Variants in NRXN1 observed in about 807,000 individuals in gnomAD.
The protein encoded by NRXN1 is neurexin 1, also known as neurexin-1.
A neutral mutation model predicts 150.9 loss-of-function variants in NRXN1; 39 were observed. The observed-to-expected ratio is 0.26, with a 90% CI of 0.20 to 0.34. NRXN1 has a LOEUF of 0.34. NRXN1 is among the 10% of genes least tolerant of loss of function. The pLI is 1.00. For missense variants in NRXN1, 1,815 were observed against 1,949.9 expected (o/e 0.93, Z 1.30); for synonymous variants, 924 against 757.0 (o/e 1.22, Z -3.62).
chr2:50,098,822 T>C (rs1700583784), intron 18 of NRXN1, among the ~76,000 whole-genome samples: 2 of 113,794 alleles, frequency 1.8e-5, no homozygotes, highest in East Asian at 2.8e-4. Flanking sequence ...GTTTTGTTTT[T>C]GGTTTTAGTT....
intron 17 of NRXN1, among the ~76,000 whole-genome samples, chr2:50,407,569 G>T (rs78954958): frequency 6.6e-6 from 1 of 152,114 alleles, no homozygotes; most frequent in East Asian, 1.9e-4. Flanking sequence ...GAGGTGATTG[G>T]GTCATGAGGG....
At chr2:50,495,023 T>A (rs2091481361) in intron 15 of NRXN1, among the ~76,000 whole-genome samples, 1 of 147,342 alleles carries the variant, frequency 6.8e-6, no homozygotes, top group Non-Finnish European at 1.5e-5. Flanking sequence ...GGAGCAAGAC[T>A]CTGTCTCCAA....
chr2:50,172,921 T>A (rs1281578728), intron 18 of NRXN1, among the ~76,000 whole-genome samples: 2 of 152,126 alleles, frequency 1.3e-5, no homozygotes, highest in Non-Finnish European at 2.9e-5. Flanking sequence ...GAGCTGAGAT[T>A]GTGCCACTGC....
chr2:50,998,630 C>T (rs1444756998), intron 2 of NRXN1, among the ~76,000 whole-genome samples: 2 of 151,914 alleles, frequency 1.3e-5, no homozygotes, highest in South Asian at 2.1e-4. Flanking sequence ...TAGAATATGA[C>T]ACATATTTAA....
At chr2:50,928,820 T>TTC (rs1687306319) in intron 2 of NRXN1, among the ~76,000 whole-genome samples, 1 of 152,062 alleles carries the variant, frequency 6.6e-6, no homozygotes, top group South Asian at 2.1e-4. Context: ...AAACCCTGGC[T>TTC]TCTTAATTCT....
chr2:50,435,732 A>G (rs922797277), intron 17 of NRXN1, among the ~76,000 whole-genome samples: 1 of 152,146 alleles, frequency 6.6e-6, no homozygotes, highest in African/African-American at 2.4e-5. Context: ...TGTTCTCACT[A>G]TCAAGTGGGA....
chr2:50,360,378 G>T (rs1056292452), intron 17 of NRXN1, among the ~76,000 whole-genome samples: 1 of 152,150 alleles, frequency 6.6e-6, no homozygotes, highest in African/African-American at 2.4e-5. Flanking sequence ...CATATACACA[G>T]ACACATATAG....
chr2:50,741,624 G>T (rs977471681), intron 5 of NRXN1, among the ~76,000 whole-genome samples: 1 of 152,198 alleles, frequency 6.6e-6, no homozygotes, highest in African/African-American at 2.4e-5. Flanking sequence ...GTGAGCTCAG[G>T]AGATTTCTCA....
At chr2:50,650,211 T>C (rs1372809420) in intron 5 of NRXN1, among the ~76,000 whole-genome samples, 1 of 152,082 alleles carries the variant, frequency 6.6e-6, no homozygotes, top group Non-Finnish European at 1.5e-5. Flanking sequence ...CTGGGTAAGA[T>C]CCTGAATAGG....
intron 17 of NRXN1, among the ~76,000 whole-genome samples, chr2:50,401,253 C>A (rs1225878339): frequency 1.3e-5 from 2 of 151,920 alleles, no homozygotes; most frequent in Non-Finnish European, 2.9e-5. Context: ...AAATCTATAC[C>A]TTAAGATGGG....
intron 8 of NRXN1, chr2:50,615,368 T>C (rs1678898111): frequency 6.6e-6 from 1 of 152,180 alleles, no homozygotes; most frequent in African/African-American, 2.4e-5. Context: ...TAGGTTGTTT[T>C]ATTTAACACA....
intron 12 of NRXN1, among the ~76,000 whole-genome samples, chr2:50,523,914 T>G (rs2092869028): frequency 6.6e-6 from 1 of 152,200 alleles, no homozygotes; most frequent in Non-Finnish European, 1.5e-5. Flanking sequence ...CACTATTTTC[T>G]GTGAGAAGCC....
Position 50,147,747 on chromosome 2 carries a change from T to C in NRXN1, c.3547-56253A>G, listed in dbSNP as rs139231293. ...TTGGCTTAACCATAGTTAAAACAAG[T>C]TTCTAACATGAAGTAAACCTTAACC... On this transcript the variant is annotated intron_variant, in intron 18 of 22. Coordinates refer to ENST00000401669, the MANE Select transcript of NRXN1 (RefSeq NM_001330078.2). 2.1e-3 allele frequency among the ~76,000 whole-genome samples: 318 copies of C among 151,894 alleles called. 1 individual carries two copies. The highest frequency in any genetic ancestry group is 7.5e-3 in the African/African-American group (310 of 41,514).
At chr2:50,253,579 A>T (rs1278962572) in intron 17 of NRXN1, among the ~76,000 whole-genome samples, 1 of 152,146 alleles carries the variant, frequency 6.6e-6, no homozygotes, top group Non-Finnish European at 1.5e-5. Context: ...ATTTTGAGAT[A>T]TGTTACATTA....
chr2:50,683,449 G>A (rs901574781), intron 5 of NRXN1, among the ~76,000 whole-genome samples: 3 of 149,002 alleles, frequency 2.0e-5, no homozygotes, highest in East Asian at 2.0e-4. Flanking sequence ...TGGCTAACAC[G>A]GTCAAACCCC....
chr2:50,719,833 CT>C (rs1260133832), intron 5 of NRXN1, among the ~76,000 whole-genome samples: 3 of 152,190 alleles, frequency 2.0e-5, no homozygotes, highest in Non-Finnish European at 4.4e-5. Context: ...CTTAGGCCAA[CT>C]TTGCCTACTT....
chr2:50,158,064 A>AGT (rs71401060), intron 18 of NRXN1, among the ~76,000 whole-genome samples: 13,508 of 133,844 alleles, frequency 0.1, 652 homozygotes, highest in Middle Eastern at 0.12. Flanking sequence ...TAAGAAGTTG[A>AGT]GTGTGTGTGT....
chr2:50,350,663 T>C (rs1404864615), intron 17 of NRXN1, among the ~76,000 whole-genome samples: 1 of 152,122 alleles, frequency 6.6e-6, no homozygotes, highest in African/African-American at 2.4e-5. Flanking sequence ...GCCATAGAAA[T>C]AGAATAAGCG....
intron 18 of NRXN1, among the ~76,000 whole-genome samples, chr2:50,093,027 T>G (rs76078895): frequency 0.014 from 2,162 of 152,312 alleles, 31 homozygotes; most frequent in Middle Eastern, 0.024. Flanking sequence ...GTGTTAAAAA[T>G]GTATGTACTA....
Sources: allele counts gnomAD v4.1 joint callset (sites outside exome capture counted in the v4.1 genomes callset), GRCh38; gene constraint gnomAD v4.1.1; transcripts MANE v1.5; gene names NCBI Gene and HGNC (gene_info 2026-07-23, HGNC 2026-07-21).